Variants in MGAT5 observed in about 807,000 individuals in gnomAD.
The protein encoded by MGAT5 is alpha-1,6-mannosylglycoprotein 6-beta-N-acetylglucosaminyltransferase A.
In MGAT5, 30 loss-of-function variants were observed where a neutral mutation model predicts 94.3. The ratio of observed to expected loss-of-function variants is 0.32; its 90% confidence interval spans 0.24 to 0.43. The LOEUF (loss-of-function observed/expected upper bound fraction) is 0.43. Among genes scored for constraint, MGAT5 ranks in the 20% least tolerant of loss-of-function variants. The probability of loss-of-function intolerance (pLI) is 1.00; values close to 1 mark genes in which losing one functional copy is unlikely to be tolerated. For missense variants in MGAT5, 691 were observed against 905.5 expected, an observed-to-expected ratio of 0.76 and a Z score of 3.04; for synonymous variants, 310 against 322.9, an observed-to-expected ratio of 0.96 and a Z score of 0.43.
intron 10 of MGAT5, 107 bp from the exon 11 acceptor site, chr2:134,402,881 G>A (rs1323990940): frequency 8.9e-7 from 1 of 1,122,372 alleles, no homozygotes; most frequent in African/African-American, 1.6e-5. Flanking sequence ...TCCATATTAA[G>A]AACTCTCTGT....
intron 14 of MGAT5, among the ~76,000 whole-genome samples, chr2:134,433,564 A>T (rs945855934): frequency 3.3e-5 from 5 of 152,176 alleles, no homozygotes; most frequent in Non-Finnish European, 7.4e-5. Context: ...ACAAAAATTC[A>T]CACTCACTTC....
chr2:134,441,362 G>A (rs1685477280), intron 14 of MGAT5, among the ~76,000 whole-genome samples: 1 of 152,238 alleles, frequency 6.6e-6, no homozygotes, highest in African/African-American at 2.4e-5. Context: ...ACCAGCTGGT[G>A]GAAGCTGGTC....
chr2:134,406,013 G>A (rs1377389223), intron 11 of MGAT5, among the ~76,000 whole-genome samples: 1 of 152,198 alleles, frequency 6.6e-6, no homozygotes, highest in Non-Finnish European at 1.5e-5. Flanking sequence ...TTTATCACAG[G>A]ACCACAGCCG....
intron 15 of MGAT5, among the ~76,000 whole-genome samples, chr2:134,446,016 G>A (rs559370364): frequency 6.6e-6 from 1 of 152,310 alleles, no homozygotes; most frequent in East Asian, 1.9e-4. Flanking sequence ...CTCACTGGGG[G>A]CTTAGAAGAC....
At chr2:134,194,467 G>T in intron 1 of MGAT5, among the ~76,000 whole-genome samples, 1 of 152,050 alleles carries the variant, frequency 6.6e-6, no homozygotes, top group South Asian at 2.1e-4. Context: ...ACAAGGGGGC[G>T]GAGGGTGGAA....
At chr2:134,127,009 C>T (rs997192047) in intron 1 of MGAT5, 3 of 153,472 alleles carry the variant, frequency 2.0e-5, no homozygotes, top group African/African-American at 7.2e-5. Context: ...ACCATCTCTG[C>T]CTCATGCTCT....
rs566665347 is a variant in MGAT5 at position 134,280,069 on chromosome 2, G to C, written c.406+9519G>C. ...TTTGAGAGATTTTCCTTTAAGCTGTGCTTTTGGCTTTGCATATCCACAGCT... is the reference window on the plus strand; with the variant it reads ...TTTGAGAGATTTTCCTTTAAGCTGTCCTTTTGGCTTTGCATATCCACAGCT... On this transcript the variant is annotated intron_variant, in intron 2 of 15. Transcript: ENST00000281923. Among the ~76,000 whole-genome samples, 12 of 152,266 alleles carry C rather than the reference G, an allele frequency of 7.9e-5. No homozygotes were observed. In the South Asian group the frequency reaches 2.1e-3, roughly 26 times the overall value.
chr2:134,172,062 A>G (rs1214469945), intron 1 of MGAT5, among the ~76,000 whole-genome samples: 3 of 152,224 alleles, frequency 2.0e-5, no homozygotes, highest in Non-Finnish European at 4.4e-5. Context: ...GTATAGAATT[A>G]GTGAAGTGAC....
chr2:134,379,178 T>C (rs191165349), intron 10 of MGAT5, among the ~76,000 whole-genome samples: 1 of 152,364 alleles, frequency 6.6e-6, no homozygotes, highest in East Asian at 1.9e-4. Flanking sequence ...ACTTTTGCTG[T>C]AATGAATTAA....
Position 134,379,072 on chromosome 2 carries a change from G to A in MGAT5, c.1380+16664G>A, listed in dbSNP as rs542394173. Among the ~76,000 whole-genome samples the A allele has an allele frequency of 2.0e-5, 3 of 152,270 alleles. No homozygotes were observed. In the East Asian group the frequency reaches 5.8e-4, roughly 29 times the overall value. ...CTACTCTAAATCCTCATGATAACAT[G>A]GATGTCTCAGGCCTTCTGGCTTTTT... On this transcript the variant is annotated intron_variant, in intron 10 of 15. Transcript: ENST00000281923.
intron 14 of MGAT5, among the ~76,000 whole-genome samples, chr2:134,436,787 T>C (rs1685183770): frequency 6.6e-6 from 1 of 152,146 alleles, no homozygotes; most frequent in Non-Finnish European, 1.5e-5. Flanking sequence ...AGCATTCTGC[T>C]CAGCTCCATG....
At position 134,270,969 on chromosome 2, in the gene MGAT5, A is replaced by G. The variant is rs183115148; in HGVS notation, c.406+419A>G. On this transcript the variant is annotated intron_variant, in intron 2 of 15. Transcript: ENST00000281923. Reference sequence around the variant, plus strand: ...TCCCTGTTGTTAAAAAAGAGCCACCATTGCCGAAAATGCCTCCTATGTATA... The same window carrying G: ...TCCCTGTTGTTAAAAAAGAGCCACCGTTGCCGAAAATGCCTCCTATGTATA... Among the ~76,000 whole-genome samples the G allele has an allele frequency of 4.6e-5, 7 of 152,340 alleles. No homozygotes were observed. The East Asian group carries it at 1.3e-3, about 29-fold the overall frequency.
intron 1 of MGAT5, among the ~76,000 whole-genome samples, chr2:134,150,873 G>A (rs1365436611): frequency 1.3e-5 from 2 of 152,174 alleles, no homozygotes; most frequent in Non-Finnish European, 2.9e-5. Flanking sequence ...TGTGACGAAT[G>A]TCTTCTGCTT....
At chr2:134,416,610 T>A (rs748421771) in intron 12 of MGAT5, among the ~76,000 whole-genome samples, 27 of 151,992 alleles carry the variant, frequency 1.8e-4, no homozygotes, top group Non-Finnish European at 3.5e-4. Context: ...TAGCTGGGAC[T>A]ACAGTTGTGT....
rs753657630 is a variant in MGAT5, at chr2:134,338,369, A to T, written c.756A>T (p.Ala252=). Residue 252 remains alanine (A), a synonymous_variant, in exon 6 of 16, where the codon GCA becomes GCT. Transcript: ENST00000281923. ...IRRMADAWIQ[A]IKSLAEKQNL... The stretch of plus-strand genomic sequence containing the variant: ...GAATGGCTGACGCATGGATCCAAGC[A>T]ATCAAGTCCCTGGCAGAAAAGCAGA... The T allele has an allele frequency of 3.1e-6, 5 of 1,612,370 alleles. No homozygotes were observed. In the East Asian group the frequency reaches 1.1e-4, roughly 36 times the overall value.
At chr2:134,382,264 TAA>T (rs1471935699) in intron 10 of MGAT5, among the ~76,000 whole-genome samples, 1 of 151,060 alleles carries the variant, frequency 6.6e-6, no homozygotes, top group African/African-American at 2.4e-5. Context: ...AAAAAAAAAA[TAA>T]AGTCCTAGTG....
In MGAT5 at chr2:134,411,100, C is replaced by T. The variant is rs116099699; in HGVS notation, c.1531-1769C>T. Among the ~76,000 whole-genome samples, 502 of 152,268 alleles carry T rather than the reference C, an allele frequency of 3.3e-3. 1 individual carries two copies. The highest frequency in any genetic ancestry group is 0.011 in the African/African-American group (462 of 41,556). On this transcript the variant is annotated intron_variant, in intron 11 of 15. Transcript: ENST00000281923. ...GGGACTAGTACATTCCCACTGTTTCCTTCCATTTCATCTGCAGCAGTCAGA... is the reference window on the plus strand; with the variant it reads ...GGGACTAGTACATTCCCACTGTTTCTTTCCATTTCATCTGCAGCAGTCAGA...
intron 13 of MGAT5, among the ~76,000 whole-genome samples, chr2:134,423,817 A>G (rs1028551783): frequency 1.4e-5 from 2 of 148,000 alleles, no homozygotes; most frequent in African/African-American, 5.1e-5. Context: ...CTTAAGTTCA[A>G]TGTCTACTTG....
intron 10 of MGAT5, among the ~76,000 whole-genome samples, chr2:134,368,433 A>C (rs1240669419): frequency 6.6e-6 from 1 of 152,226 alleles, no homozygotes; most frequent in Non-Finnish European, 1.5e-5. Context: ...ACCAAAGTCA[A>C]CCAGTCTTAA....
Sources: gnomAD v4.1 joint callset for allele counts (sites outside exome capture counted in the v4.1 genomes callset) on GRCh38, gnomAD v4.1.1 for gene constraint, MANE v1.5 for transcripts, NCBI Gene and HGNC (gene_info 2026-07-23, HGNC 2026-07-21) for gene names.